The following UGGT2 variants were observed in gnomAD, a reference collection of about 807,000 sequenced individuals.
UGGT2 encodes UDP-glucose:glycoprotein glucosyltransferase 2.
In UGGT2, 180 loss-of-function variants were observed where a neutral mutation model predicts 192.1. That is an observed-to-expected ratio of 0.94 (90% CI 0.83 to 1.06). UGGT2 has a LOEUF of 1.06. Ranked by LOEUF, UGGT2 falls within the 50% of genes least tolerant of loss-of-function variation. UGGT2 has a pLI of 0.00. For synonymous variants in UGGT2, 580 were observed against 591.0 expected, an observed-to-expected ratio of 0.98 and a Z score of 0.27; for missense variants, 1,849 against 1,795.7, an observed-to-expected ratio of 1.03 and a Z score of -0.54.
intron 1 of UGGT2, among the ~76,000 whole-genome samples, chr13:96,041,771 C>T (rs1287672886): frequency 6.6e-6 from 1 of 152,106 alleles, no homozygotes; most frequent in African/African-American, 2.4e-5. Flanking sequence ...TCCCTGACAA[C>T]CTGCATGACA....
At chr13:95,913,699 C>T (rs1293232037) in intron 20 of UGGT2, among the ~76,000 whole-genome samples, 1 of 152,118 alleles carries the variant, frequency 6.6e-6, no homozygotes, top group East Asian at 1.9e-4. Context: ...AGGATCTAAA[C>T]TAGAATTAAT....
At position 95,896,895 on chromosome 13, in the gene UGGT2, A is replaced by C. The variant is rs9561972; in HGVS notation, c.2635-1591T>G. 4.5e-4 allele frequency among the ~76,000 whole-genome samples: 68 copies of C among 152,272 alleles called. 1 individual carries two copies. In the East Asian group the frequency reaches 0.011, roughly 24 times the overall value. ...TTACATAGAATAATTGCTGTAACAG[A>C]AATGCATTACTTCATTTGACAGGTC... On this transcript the variant is annotated intron_variant, in intron 22 of 38. Coordinates refer to ENST00000376747, the MANE Select transcript of UGGT2 (RefSeq NM_020121.4).
chr13:95,877,344 T>G lies in UGGT2; in HGVS notation c.3408A>C (p.Ala1136=), dbSNP rs1381403870. 1 of 1,606,394 alleles carries G rather than the reference T, an allele frequency of 6.2e-7. No homozygotes were observed. Among genetic ancestry groups the G allele is most frequent in the Non-Finnish European group, 8.5e-7 (1 of 1,177,686 alleles). The part of the protein sequence containing the change: ...MAHHGYFQLK[A]NPGAWILRLH... The stretch of plus-strand genomic sequence containing the variant: ...ACCTCAGTATCCAAGCACCTGGGTT[T>G]GCTTTTAATTGAAAATACCCCTTTT... Residue 1136 remains alanine (A), a synonymous_variant, in exon 29 of 39, where the codon GCA becomes GCC. Coordinates refer to ENST00000376747, the MANE Select transcript of UGGT2 (RefSeq NM_020121.4).
Position 95,980,448 on chromosome 13 carries a change from C to T in UGGT2, c.1092+3356G>A, listed in dbSNP as rs773850658. Among the ~76,000 whole-genome samples the T allele has an allele frequency of 4.6e-5, 7 of 151,108 alleles. No homozygotes were observed. In the East Asian group the frequency reaches 1.2e-3, roughly 26 times the overall value. On this transcript the variant is annotated intron_variant, in intron 10 of 38. Transcript: ENST00000376747. ...AATGATACATTGGACTTTGGGGACT[C>T]GGGGGAAAGGGCGGGGGGTGGCAAG...
At chr13:96,033,234 A>T (rs953171597) in intron 1 of UGGT2, among the ~76,000 whole-genome samples, 3 of 152,232 alleles carry the variant, frequency 2.0e-5, no homozygotes, top group African/African-American at 7.2e-5. Flanking sequence ...TATAGATTCA[A>T]TGCTATTCCT....
At chr13:95,844,806 G>A (rs1473107874) in intron 36 of UGGT2, among the ~76,000 whole-genome samples, 4 of 152,032 alleles carry the variant, frequency 2.6e-5, no homozygotes, top group African/African-American at 9.7e-5. Context: ...TGCTGTACTA[G>A]GTATCTGTCC....
chr13:95,833,103 A>G (rs1367089237), intron 37 of UGGT2, 50 bp from the exon 38 acceptor site: 6 of 1,592,430 alleles, frequency 3.8e-6, no homozygotes, highest in Non-Finnish European at 5.1e-6. Flanking sequence ...TCCTGGAAAC[A>G]TAAGGACAAT....
At chr13:95,970,859 G>T (rs73560887) in intron 11 of UGGT2, among the ~76,000 whole-genome samples, 1 of 152,132 alleles carries the variant, frequency 6.6e-6, no homozygotes, top group Admixed American at 6.5e-5. Context: ...CGACTATTCA[G>T]AGGCAAAAAT....
chr13:96,041,475 AG>A (rs1166418720), intron 1 of UGGT2, among the ~76,000 whole-genome samples: 1 of 152,200 alleles, frequency 6.6e-6, no homozygotes, highest in Non-Finnish European at 1.5e-5. Flanking sequence ...ACAATTTCAA[AG>A]GAACAAGAAA....
intron 15 of UGGT2, among the ~76,000 whole-genome samples, chr13:95,942,007 G>A (rs1275863498): frequency 6.6e-6 from 1 of 152,080 alleles, no homozygotes; most frequent in Non-Finnish European, 1.5e-5. Flanking sequence ...AGAAGTATAT[G>A]GTATGGTGTT....
chr13:96,049,591 GC>G, intron 1 of UGGT2, among the ~76,000 whole-genome samples: 1 of 152,300 alleles, frequency 6.6e-6, no homozygotes, highest in South Asian at 2.1e-4. Flanking sequence ...CATCATCTCA[GC>G]CCAAAATCTC....
intron 38 of UGGT2, among the ~76,000 whole-genome samples, chr13:95,830,290 T>C (rs939539888): frequency 6.6e-6 from 1 of 152,076 alleles, no homozygotes; most frequent in African/African-American, 2.4e-5. Flanking sequence ...GGGAACTAAC[T>C]AAACTAAAGC....
At chr13:95,811,809 T>C (rs149104791) in intron 38 of UGGT2, among the ~76,000 whole-genome samples, 30 of 152,158 alleles carry the variant, frequency 2.0e-4, no homozygotes, top group African/African-American at 6.0e-4. Flanking sequence ...AGGCTGACTA[T>C]AGTGTGTTAG....
At chr13:95,959,536 GA>G (rs1433761234) in intron 12 of UGGT2, among the ~76,000 whole-genome samples, 1 of 152,094 alleles carries the variant, frequency 6.6e-6, no homozygotes, top group Non-Finnish European at 1.5e-5. Context: ...GGGACGTGGG[GA>G]TCACCCAGCA....
At chr13:95,900,287 T>G (rs566538849) in intron 22 of UGGT2, among the ~76,000 whole-genome samples, 26 of 152,110 alleles carry the variant, frequency 1.7e-4, no homozygotes, top group Non-Finnish European at 3.5e-4. Context: ...AATAAGCTAT[T>G]AAGTTTTATT....
intron 17 of UGGT2, among the ~76,000 whole-genome samples, chr13:95,935,636 A>T (rs1057512938): frequency 1.3e-5 from 2 of 152,118 alleles, no homozygotes; most frequent in African/African-American, 4.8e-5. Flanking sequence ...ATAGTATCTC[A>T]CAGTGTTCTC....
In UGGT2 at chr13:95,923,504, G is replaced by A. The variant is rs184226970; in HGVS notation, c.2295+2176C>T. Among the ~76,000 whole-genome samples, 1,018 of 152,122 alleles carry A rather than the reference G, an allele frequency of 6.7e-3. 6 individuals are homozygous for A. Among genetic ancestry groups the A allele is most frequent in the Non-Finnish European group, 0.011 (734 of 68,016 alleles). ...CTGCCTCAGCCTCGCCAGTAGCTGGGATTACAGGCATGTGCCATCACGTCC... is the reference window on the plus strand; with the variant it reads ...CTGCCTCAGCCTCGCCAGTAGCTGGAATTACAGGCATGTGCCATCACGTCC... On this transcript the variant is annotated intron_variant, in intron 20 of 38. Coordinates refer to ENST00000376747, the MANE Select transcript of UGGT2 (RefSeq NM_020121.4).
intron 22 of UGGT2, among the ~76,000 whole-genome samples, chr13:95,899,073 T>C (rs1003132479): frequency 1.3e-5 from 2 of 152,232 alleles, no homozygotes; most frequent in African/African-American, 4.8e-5. Flanking sequence ...ATCCTTATAA[T>C]AAAAGAGTTC....
intron 14 of UGGT2, among the ~76,000 whole-genome samples, chr13:95,947,482 C>T (rs12870771): frequency 0.36 from 53,826 of 147,472 alleles, 10,147 homozygotes; most frequent in Middle Eastern, 0.42. Flanking sequence ...ACAAGAGTCT[C>T]GCTCTGTCAC....
Sources: allele counts gnomAD v4.1 joint callset (sites outside exome capture counted in the v4.1 genomes callset), GRCh38; gene constraint gnomAD v4.1.1; transcripts MANE v1.5; gene names NCBI Gene and HGNC (gene_info 2026-07-23, HGNC 2026-07-21).